MORN1: variants seen among roughly 807,000 people sequenced by gnomAD.
MORN1 encodes MORN repeat containing 1, also known as MORN repeat-containing protein 1.
Under a neutral mutation model 61.9 loss-of-function variants are expected in MORN1, and 67 were observed. That is an observed-to-expected ratio of 1.08 (90% CI 0.89 to 1.33). MORN1 has a LOEUF of 1.33. Among genes scored for constraint, MORN1 ranks in the 40% most tolerant of loss-of-function variants. MORN1 has a pLI of 0.00. For synonymous variants in MORN1, 301 were observed against 292.0 expected (o/e 1.03, Z -0.31); for missense variants, 752 against 691.2 (o/e 1.09, Z -0.99).
chr1:2,373,448 C>T (rs1160975863), intron 7 of MORN1, among the ~76,000 whole-genome samples: 2 of 152,210 alleles, frequency 1.3e-5, no homozygotes, highest in Admixed American at 6.5e-5. Context: ...CACCTCTTGC[C>T]CCGTTTTTCC....
At chr1:2,365,042 A>G (rs908213733) in intron 8 of MORN1, among the ~76,000 whole-genome samples, 9 of 152,266 alleles carry the variant, frequency 5.9e-5, no homozygotes, top group Admixed American at 4.6e-4. Flanking sequence ...TTGGTGATGC[A>G]GGCTCTTTTT....
intron 12 of MORN1, 56 bp downstream of exon 12, chr1:2,336,413 T>G: frequency 7.8e-6 from 12 of 1,543,452 alleles, no homozygotes; most frequent in Non-Finnish European, 1.1e-5. Context: ...GCCCAGCTGA[T>G]GAGGAGGCCA....
At position 2,391,540 on chromosome 1, in the gene MORN1, G is replaced by T; in HGVS notation, c.-7C>A. The T allele has an allele frequency of 8.0e-7, 1 of 1,248,826 alleles. No homozygotes were observed. 77.4% of individuals were successfully genotyped at this position (1,248,826 alleles called of 1,614,324 possible). A position where few individuals can be genotyped will look rare whatever the true frequency, so the allele number is the denominator to read the frequency against. ...CCTCGCCCGCCGCTGCCATCTTGCC[G>T]CCGAGGGTTCTCTTAGCGACCAGCA... On this transcript the variant is annotated 5_prime_UTR_variant, in exon 1 of 14. Transcript: ENST00000378531.
At position 2,324,123 on chromosome 1, in the gene MORN1, T is replaced by C; in HGVS notation, c.1271A>G (p.Glu424Gly). ...TAGGTGTGCTGCCGCAGCCTGCTCC[T>C]CCGTGGCTCTCCCCTCAGGCCTGTG... ...GGSRPEGRAT[E>G]EQAAAAHLGE... Residue 424 changes from glutamate (E) to glycine (G), a missense_variant, in exon 13 of 14, where the codon GAG (glutamate) becomes GGG (glycine). By Grantham distance (98) the Glu-to-Gly change is moderately conservative. Coordinates refer to ENST00000378531, the MANE Select transcript of MORN1 (RefSeq NM_024848.3). 1 of 1,600,730 alleles carries C rather than the reference T, an allele frequency of 6.2e-7. No homozygotes were observed. Among genetic ancestry groups the C allele is most frequent in the Admixed American group, 1.7e-5 (1 of 57,818 alleles).
intron 13 of MORN1, chr1:2,323,779 C>T (rs1640935655): frequency 3.0e-6 from 3 of 985,360 alleles, no homozygotes; most frequent in Non-Finnish European, 3.6e-6. Flanking sequence ...CCCTCGGCTC[C>T]CCTTGGACCC....
intron 10 of MORN1, among the ~76,000 whole-genome samples, chr1:2,341,610 G>C (rs866591290): frequency 1.3e-5 from 2 of 151,390 alleles, no homozygotes; most frequent in Non-Finnish European, 2.9e-5. Flanking sequence ...AGAATCGCTT[G>C]AACACGGGAG....
At chr1:2,350,460 T>C (rs886572135) in intron 10 of MORN1, 2 of 152,294 alleles carry the variant, frequency 1.3e-5, no homozygotes, top group Admixed American at 6.5e-5. Flanking sequence ...GGCAGGTTTC[T>C]GGAGGGTTTG....
intron 10 of MORN1, among the ~76,000 whole-genome samples, chr1:2,344,875 C>T (rs1641476344): frequency 6.6e-6 from 1 of 152,250 alleles, no homozygotes; most frequent in South Asian, 2.1e-4. Flanking sequence ...CCAGAGGGAG[C>T]ATGACCGTCT....
At chr1:2,323,806 C>T (rs1029269027) in intron 13 of MORN1, 6 of 985,328 alleles carry the variant, frequency 6.1e-6, no homozygotes, top group Non-Finnish European at 7.2e-6. Context: ...CTCCGAGTCC[C>T]CGTGCTCCCT....
chr1:2,351,825 T>G, intron 10 of MORN1: 1 of 541,546 alleles, frequency 1.8e-6, no homozygotes, highest in Non-Finnish European at 3.6e-6. Flanking sequence ...GTGGTCCGTG[T>G]GTGGCAGCAT....
Position 2,385,807 on chromosome 1 carries a change from T to A in MORN1, c.449A>T (p.Gln150Leu). The A allele has an allele frequency of 3.7e-6, 6 of 1,613,520 alleles. No individual in the cohort carries two copies. The highest frequency in any genetic ancestry group is 5.1e-6 in the Non-Finnish European group (6 of 1,179,704). Residue 150 changes from glutamine (Q) to leucine (L), a missense_variant and splice_region_variant, in exon 5 of 14, where the codon CAG (glutamine) becomes CTG (leucine). Physicochemically the swap from Gln to Leu is moderately radical, Grantham distance 113. Transcript: ENST00000378531. ...KRHGPGQMLF[Q>L]NGDKYDGDWV... ...CAGTACCCACAAGACTCATACTCACTGAAAGAGCATCTGCCCAGGGCCGTG... is the reference window on the plus strand; with the variant it reads ...CAGTACCCACAAGACTCATACTCACAGAAAGAGCATCTGCCCAGGGCCGTG...
chr1:2,361,788 C>T (rs1569994485), intron 8 of MORN1, among the ~76,000 whole-genome samples: 1 of 152,114 alleles, frequency 6.6e-6, no homozygotes, highest in Non-Finnish European at 1.5e-5. Flanking sequence ...TTCCGACTCC[C>T]CACAGCTTTA....
intron 10 of MORN1, among the ~76,000 whole-genome samples, chr1:2,346,424 C>T (rs938418588): frequency 4.6e-5 from 7 of 152,168 alleles, no homozygotes; most frequent in East Asian, 1.9e-4. Flanking sequence ...CTCGCTCTGT[C>T]GCCCAGGATG....
Position 2,380,588 on chromosome 1 carries a change from G to C in MORN1, c.537+4390C>G, listed in dbSNP as rs1249416098. On this transcript the variant is annotated intron_variant, in intron 6 of 13. Transcript: ENST00000378531. ...AGACAGGGTCTTGCTCTGTCACCCA[G>C]GCTGGAGTGCAGTGGGCGTGATCTC... 2.0e-5 allele frequency among the ~76,000 whole-genome samples: 3 copies of C among 152,154 alleles called. No homozygotes were observed. In the East Asian group the frequency reaches 5.8e-4, roughly 29 times the overall value.
intron 10 of MORN1, chr1:2,355,075 G>GGCGTGGGGGGCCC: frequency 1.2e-6 from 1 of 816,542 alleles, no homozygotes; most frequent in Non-Finnish European, 1.5e-6. Context: ...CAGTGGGGCC[G>GGCGTGGGGGGCCC]GCGCGGGGGG....
intron 13 of MORN1, chr1:2,323,538 C>G: frequency 1.0e-6 from 1 of 985,364 alleles, no homozygotes. Context: ...GCCCCTCTGG[C>G]TTGGTGGGGG....
intron 10 of MORN1, among the ~76,000 whole-genome samples, chr1:2,353,341 C>G (rs1366495634): frequency 6.6e-6 from 1 of 152,284 alleles, no homozygotes; most frequent in Non-Finnish European, 1.5e-5. Flanking sequence ...CCCCCTGTCC[C>G]TGCTGGCTGG....
At chr1:2,343,611 C>T (rs555213857) in intron 10 of MORN1, among the ~76,000 whole-genome samples, 3 of 152,310 alleles carry the variant, frequency 2.0e-5, no homozygotes, top group Non-Finnish European at 4.4e-5. Context: ...TGCATTCCCA[C>T]GAGCTGTTCT....
At chr1:2,369,381 C>T (rs1024362073) in intron 8 of MORN1, among the ~76,000 whole-genome samples, 7 of 143,456 alleles carry the variant, frequency 4.9e-5, no homozygotes, top group Admixed American at 1.4e-4. Context: ...AAAAAGAAGA[C>T]AGACAATAGC....
Sources: gnomAD v4.1 joint callset for allele counts (sites outside exome capture counted in the v4.1 genomes callset) on GRCh38, gnomAD v4.1.1 for gene constraint, MANE v1.5 for transcripts, NCBI Gene and HGNC (gene_info 2026-07-23, HGNC 2026-07-21) for gene names.